ARFGEF3: variants seen among roughly 807,000 people sequenced by gnomAD.
ARFGEF3 encodes brefeldin A-inhibited guanine nucleotide-exchange protein 3.
In ARFGEF3, 96 loss-of-function variants were observed where a neutral mutation model predicts 221.7. That is an observed-to-expected ratio of 0.43 (90% CI 0.37 to 0.51). The LOEUF (loss-of-function observed/expected upper bound fraction) is 0.51, where lower values mean the gene tolerates loss of function less well. Ranked by LOEUF, ARFGEF3 falls within the 20% of genes least tolerant of loss-of-function variation. The pLI, the probability that ARFGEF3 is intolerant of heterozygous loss-of-function variation, is 0.00. For missense variants in ARFGEF3, 2,410 were observed against 2,789.9 expected (o/e 0.86, Z 3.07); for synonymous variants, 1,145 against 1,126.8 (o/e 1.02, Z -0.32).
Position 138,255,579 on chromosome 6 carries a change from C to T in ARFGEF3, c.914C>T (p.Ser305Leu). Residue 305 changes from serine to leucine, a missense_variant, in exon 10 of 34, where the codon TCA becomes TTA. This residue lies in a region of ARFGEF3 where 570 missense variants were observed against 586.9 expected (regional missense o/e 0.97). Transcript: ENST00000251691. ...GGAGTGTCTGACCACGGCCGAGGAT[C>T]AGGCTGCTCCTGCACTGCGCCGGCC... ...SPGVSDHGRG[S>L]GCSCTAPALS... The T allele has an allele frequency of 6.2e-7, 1 of 1,614,004 alleles. No individual in the cohort carries two copies.
At chr6:138,192,498 T>C (rs76903813) in intron 2 of ARFGEF3, among the ~76,000 whole-genome samples, 21,446 of 147,002 alleles carry the variant, frequency 0.15, 1,870 homozygotes, top group East Asian at 0.4. Context: ...AAAAAAAAAC[T>C]AACCAAACAA....
chr6:138,296,687 G>T, intron 20 of ARFGEF3, 123 bp from the exon 21 acceptor site: 2 of 1,172,904 alleles, frequency 1.7e-6, no homozygotes, highest in East Asian at 2.4e-5. Flanking sequence ...TCCTCCCTTG[G>T]TTAGCCAATA....
At chr6:138,232,403 G>C (rs1437371805) in intron 5 of ARFGEF3, among the ~76,000 whole-genome samples, 5 of 152,214 alleles carry the variant, frequency 3.3e-5, no homozygotes, top group African/African-American at 1.2e-4. Context: ...TACTCGGGAG[G>C]CTGAGGCAGA....
At chr6:138,273,494 T>C (rs748870481) in intron 12 of ARFGEF3, among the ~76,000 whole-genome samples, 7 of 152,238 alleles carry the variant, frequency 4.6e-5, no homozygotes, top group Admixed American at 6.5e-5. Flanking sequence ...ATAGTTCTTA[T>C]AGTTTCTTAC....
intron 32 of ARFGEF3, among the ~76,000 whole-genome samples, chr6:138,332,732 G>T (rs1020498853): frequency 1.3e-5 from 2 of 152,168 alleles, no homozygotes; most frequent in Non-Finnish European, 1.5e-5. Flanking sequence ...TCACTGAATT[G>T]TGTACATCAA....
intron 4 of ARFGEF3, among the ~76,000 whole-genome samples, chr6:138,211,205 A>G (rs1378613425): frequency 6.6e-6 from 1 of 152,214 alleles, no homozygotes; most frequent in East Asian, 1.9e-4. Context: ...AGTGCTTTAG[A>G]AATGTTATAT....
chr6:138,265,202 T>C (rs1288362177), intron 12 of ARFGEF3, among the ~76,000 whole-genome samples: 1 of 152,020 alleles, frequency 6.6e-6, no homozygotes, highest in African/African-American at 2.4e-5. Flanking sequence ...TGCGCCCGGC[T>C]GGAACATTTT....
chr6:138,174,091 A>T (rs1776891813), intron 2 of ARFGEF3, among the ~76,000 whole-genome samples: 1 of 152,214 alleles, frequency 6.6e-6, no homozygotes, highest in Non-Finnish European at 1.5e-5. Flanking sequence ...AAGGAAGAGA[A>T]TGAAGATATA....
chr6:138,226,616 G>T (rs1295362798), intron 4 of ARFGEF3, among the ~76,000 whole-genome samples: 1 of 152,114 alleles, frequency 6.6e-6, no homozygotes, highest in African/African-American at 2.4e-5. Flanking sequence ...ACCCTGTGAA[G>T]GATATATTTT....
Position 138,343,383 on chromosome 6 carries a change from A to G in ARFGEF3, c.*6897A>G, listed in dbSNP as rs1178959608. ...ATTTACTAGAATTAGTGAGATCAGA[A>G]AGCATATCAGAATGTTGATGATATC... On this transcript the variant is annotated 3_prime_UTR_variant, in exon 34 of 34. Coordinates refer to ENST00000251691, the MANE Select transcript of ARFGEF3 (RefSeq NM_020340.5). The G allele has an allele frequency of 2.6e-5, 4 of 152,282 alleles. No individual in the cohort carries two copies. The East Asian group carries it at 7.7e-4, about 29-fold the overall frequency. The allele number at this position is 152,282 out of a possible 1,614,324, so 9.4% of individuals were successfully genotyped here.
chr6:138,246,148 T>G (rs1237713578), intron 8 of ARFGEF3, among the ~76,000 whole-genome samples: 1 of 152,244 alleles, frequency 6.6e-6, no homozygotes, highest in Non-Finnish European at 1.5e-5. Context: ...AGGTGATGCC[T>G]GCTGCTCCAT....
intron 21 of ARFGEF3, 32 bp downstream of exon 21, chr6:138,296,987 A>G (rs1483032277): frequency 2.5e-6 from 4 of 1,593,524 alleles, no homozygotes; most frequent in Non-Finnish European, 3.4e-6. Flanking sequence ...AGAGGCTGGA[A>G]CTGCTAAGTC....
At chr6:138,313,669 T>A in intron 25 of ARFGEF3, 126 bp from the exon 26 acceptor site, 1 of 767,368 alleles carries the variant, frequency 1.3e-6, no homozygotes, top group Non-Finnish European at 2.1e-6. Context: ...TCACGAATAA[T>A]CAAATTTTCA....
chr6:138,177,826 C>G (rs1425958420), intron 2 of ARFGEF3, among the ~76,000 whole-genome samples: 1 of 151,972 alleles, frequency 6.6e-6, no homozygotes, highest in East Asian at 1.9e-4. Flanking sequence ...TTTAAGATGT[C>G]TATCTCCTTG....
intron 26 of ARFGEF3, among the ~76,000 whole-genome samples, chr6:138,316,201 G>C (rs1223258126): frequency 7.2e-5 from 11 of 151,810 alleles, no homozygotes; most frequent in Non-Finnish European, 1.5e-5. Context: ...ACCTATCTAA[G>C]TTTTCTACAT....
intron 22 of ARFGEF3, 108 bp downstream of exon 22, chr6:138,298,893 A>G: frequency 2.3e-6 from 2 of 867,850 alleles, no homozygotes; most frequent in South Asian, 1.8e-5. Flanking sequence ...TCCTATGTGG[A>G]ATCTGTAACG....
intron 4 of ARFGEF3, chr6:138,215,845 T>G (rs1370227673): frequency 1.1e-4 from 6 of 53,926 alleles, no homozygotes; most frequent in African/African-American, 4.6e-4. Context: ...CGGTCTGGTG[T>G]GTGTGTGTGT....
chr6:138,202,910 A>C (rs1033664828), intron 2 of ARFGEF3, among the ~76,000 whole-genome samples: 38 of 152,076 alleles, frequency 2.5e-4, no homozygotes, highest in African/African-American at 8.2e-4. Flanking sequence ...ACACCCACAC[A>C]CACACACACA....
At chr6:138,258,583 CAATT>C (rs1778729371) in intron 10 of ARFGEF3, among the ~76,000 whole-genome samples, 1 of 152,190 alleles carries the variant, frequency 6.6e-6, no homozygotes, top group Non-Finnish European at 1.5e-5. Context: ...CGCCATTTAA[CAATT>C]GATTATACGT....
Sources: allele counts gnomAD v4.1 joint callset (sites outside exome capture counted in the v4.1 genomes callset), GRCh38; gene constraint gnomAD v4.1.1; regional missense constraint gnomAD v4.1.1; transcripts MANE v1.5; gene names NCBI Gene and HGNC (gene_info 2026-07-23, HGNC 2026-07-21).